The following PJA2 variants were observed in gnomAD, a reference collection of about 807,000 sequenced individuals.
PJA2 encodes the protein praja ring finger ubiquitin ligase 2, also known as E3 ubiquitin-protein ligase Praja-2.
In PJA2, 25 loss-of-function variants were observed where a neutral mutation model predicts 69.3. The observed-to-expected ratio is 0.36, with a 90% CI of 0.26 to 0.50. The LOEUF is 0.50. Among genes scored for constraint, PJA2 ranks in the 20% least tolerant of loss-of-function variants. The probability of loss-of-function intolerance (pLI) is 0.96; values close to 1 mark genes in which losing one functional copy is unlikely to be tolerated. For synonymous variants in PJA2, 308 were observed against 277.8 expected, an observed-to-expected ratio of 1.11 and a Z score of -1.08; for missense variants, 809 against 830.2, an observed-to-expected ratio of 0.97 and a Z score of 0.31.
intron 6 of PJA2, among the ~76,000 whole-genome samples, chr5:109,360,119 T>C (rs1362221760): frequency 6.6e-6 from 1 of 152,218 alleles, no homozygotes; most frequent in Non-Finnish European, 1.5e-5. Context: ...TATATCAAAA[T>C]TATTTTTAAA....
chr5:109,365,725 T>C (rs1038735817), intron 5 of PJA2, among the ~76,000 whole-genome samples: 10 of 152,196 alleles, frequency 6.6e-5, no homozygotes, highest in Admixed American at 2.0e-4. Context: ...GTATTCACTC[T>C]TACTGGTATT....
At chr5:109,406,779 G>A (rs960445880) in intron 1 of PJA2, among the ~76,000 whole-genome samples, 1 of 152,156 alleles carries the variant, frequency 6.6e-6, no homozygotes, top group Non-Finnish European at 1.5e-5. Flanking sequence ...CCCCAAACTG[G>A]AAACAATCCA....
chr5:109,365,074 C>T (rs534382983), intron 5 of PJA2, among the ~76,000 whole-genome samples: 7 of 152,242 alleles, frequency 4.6e-5, no homozygotes, highest in Non-Finnish European at 7.4e-5. Context: ...TAGAGAAACC[C>T]GGCAAAAGCT....
At chr5:109,391,375 ATGTT>A (rs1747277105) in intron 1 of PJA2, among the ~76,000 whole-genome samples, 1 of 152,114 alleles carries the variant, frequency 6.6e-6, no homozygotes. Flanking sequence ...ACATATTTTA[ATGTT>A]TGTTATGAGT....
intron 3 of PJA2, among the ~76,000 whole-genome samples, chr5:109,380,696 T>C (rs991628732): frequency 1.2e-4 from 18 of 150,040 alleles, no homozygotes; most frequent in Admixed American, 6.8e-5. Context: ...TCCCAGCTAC[T>C]TGGGAGGCTG....
Position 109,335,021 on chromosome 5 carries a change from G to A in PJA2, c.*2210C>T, listed in dbSNP as rs1761914191. The A allele has an allele frequency of 6.6e-6, 1 of 152,570 alleles. No individual in the cohort carries two copies. The highest frequency in any genetic ancestry group is 1.5e-5 in the Non-Finnish European group (1 of 67,994). The allele number at this position is 152,570 out of a possible 1,614,324, so 9.5% of individuals were successfully genotyped here. ...TTAGGTTAAGTCACAACATAAAATA[G>A]AGAAATAAGATAAATGCTATTTTAT... On this transcript the variant is annotated 3_prime_UTR_variant, in exon 10 of 10. Transcript: ENST00000361189.
chr5:109,352,648 C>T (rs1253940456), intron 7 of PJA2, among the ~76,000 whole-genome samples: 3 of 151,918 alleles, frequency 2.0e-5, no homozygotes, highest in East Asian at 1.9e-4. Context: ...CACCATAAAG[C>T]GTAATTGAAA....
chr5:109,399,574 C>A (rs1747492413), intron 1 of PJA2, among the ~76,000 whole-genome samples: 1 of 152,194 alleles, frequency 6.6e-6, no homozygotes, highest in African/African-American at 2.4e-5. Flanking sequence ...AAACCCATCT[C>A]AATCACGAAT....
At chr5:109,338,780 T>G (rs990119125) in intron 9 of PJA2, among the ~76,000 whole-genome samples, 1 of 152,112 alleles carries the variant, frequency 6.6e-6, no homozygotes, top group Non-Finnish European at 1.5e-5. Context: ...TATTTAAACT[T>G]AGACAAGTAA....
intron 9 of PJA2, among the ~76,000 whole-genome samples, chr5:109,341,993 A>C (rs1582580179): frequency 8.5e-6 from 1 of 117,718 alleles, no homozygotes; most frequent in Non-Finnish European, 1.8e-5. Context: ...CCCGTCCGGG[A>C]GGGAGGTGGG....
chr5:109,404,848 A>G (rs984217738), intron 1 of PJA2, among the ~76,000 whole-genome samples: 5 of 152,246 alleles, frequency 3.3e-5, no homozygotes, highest in African/African-American at 1.2e-4. Context: ...ATCACACTCA[A>G]TAATGAAAGA....
At chr5:109,393,677 T>C (rs1747333694) in intron 1 of PJA2, among the ~76,000 whole-genome samples, 1 of 151,184 alleles carries the variant, frequency 6.6e-6, no homozygotes, top group South Asian at 2.1e-4. Flanking sequence ...AGAAGCAATG[T>C]CCATAATAAT....
At chr5:109,346,843 A>C (rs1762178465) in intron 7 of PJA2, among the ~76,000 whole-genome samples, 1 of 152,202 alleles carries the variant, frequency 6.6e-6, no homozygotes, top group Non-Finnish European at 1.5e-5. Context: ...AGCAATAGTA[A>C]ATTTTATATT....
chr5:109,383,484 GT>G lies in PJA2; in HGVS notation c.-52del. ...TCAGTAGAATTATAGATGTGATTTAGTTTTTATTCACACTATGGACAAGCCG... is the reference window on the plus strand; with the variant it reads ...TCAGTAGAATTATAGATGTGATTTAGTTTTATTCACACTATGGACAAGCCG... On this transcript the variant is annotated 5_prime_UTR_variant, in exon 2 of 10. Coordinates refer to ENST00000361189, the MANE Select transcript of PJA2 (RefSeq NM_014819.5). The G allele has an allele frequency of 6.8e-7, 1 of 1,465,242 alleles. No homozygotes were observed. The highest frequency in any genetic ancestry group is 9.5e-7 in the Non-Finnish European group (1 of 1,053,684). The allele number at this position is 1,465,242 out of a possible 1,614,324, so 90.8% of individuals were successfully genotyped here.
intron 1 of PJA2, among the ~76,000 whole-genome samples, chr5:109,402,470 T>A (rs1446512573): frequency 6.6e-6 from 1 of 152,156 alleles, no homozygotes; most frequent in African/African-American, 2.4e-5. Context: ...AAGGGGTTCA[T>A]TCACCAAAAA....
At chr5:109,374,083 A>G (rs1480036850) in intron 4 of PJA2, among the ~76,000 whole-genome samples, 3 of 152,178 alleles carry the variant, frequency 2.0e-5, no homozygotes, top group Non-Finnish European at 4.4e-5. Context: ...TTAACACTGA[A>G]CTGTAATGTA....
rs150714403 is a variant in PJA2, at chr5:109,340,602, T to C, written c.2002-3246A>G. 3.2e-4 allele frequency among the ~76,000 whole-genome samples: 42 copies of C among 129,856 alleles called. 1 individual carries two copies. The highest frequency in any genetic ancestry group is 1.1e-3 in the African/African-American group (38 of 33,948). 85.2% of individuals were successfully genotyped at this position (129,856 alleles called of 152,430 possible). A position where few individuals can be genotyped will look rare whatever the true frequency, so the allele number is the denominator to read the frequency against. ...CTTTATTTAAATAATTCAAATATGC[T>C]TAAGATTTATTGGGTCCCTCCCCCT... is the stretch of plus-strand genomic sequence containing the variant. On this transcript the variant is annotated intron_variant, in intron 9 of 9. Coordinates refer to ENST00000361189, the MANE Select transcript of PJA2 (RefSeq NM_014819.5).
At chr5:109,343,381 T>A (rs974498724) in intron 9 of PJA2, among the ~76,000 whole-genome samples, 8 of 130,324 alleles carry the variant, frequency 6.1e-5, no homozygotes, top group Non-Finnish European at 1.3e-4. Context: ...AAAAGATTTA[T>A]TGGGTAAATA....
chr5:109,405,674 C>G (rs990813782), intron 1 of PJA2, among the ~76,000 whole-genome samples: 2 of 152,128 alleles, frequency 1.3e-5, no homozygotes, highest in South Asian at 4.1e-4. Flanking sequence ...GCTAGAACTA[C>G]ATATACATTT....
Sources: allele counts gnomAD v4.1 joint callset (sites outside exome capture counted in the v4.1 genomes callset), GRCh38; gene constraint gnomAD v4.1.1; transcripts MANE v1.5; gene names NCBI Gene and HGNC (gene_info 2026-07-23, HGNC 2026-07-21).